RUNX2: variants seen among roughly 807,000 people sequenced by gnomAD.
The protein encoded by RUNX2 is RUNX family transcription factor 2.
RUNX2 carries 10 observed loss-of-function variants against 51.7 expected under a neutral mutation model. The ratio of observed to expected loss-of-function variants is 0.19; its 90% CI spans 0.12 to 0.33. RUNX2 has a LOEUF of 0.33. Among genes scored for constraint, RUNX2 ranks in the 10% least tolerant of loss-of-function variants. The probability of loss-of-function intolerance (pLI) is 1.00; values close to 1 mark genes in which losing one functional copy is unlikely to be tolerated. For missense variants in RUNX2, 562 were observed against 691.3 expected, an observed-to-expected ratio of 0.81 and a Z score of 2.10; for synonymous variants, 276 against 273.6, an observed-to-expected ratio of 1.01 and a Z score of -0.09.
At chr6:45,390,362 T>C (rs1169325631) in intron 2 of RUNX2, among the ~76,000 whole-genome samples, 1 of 152,240 alleles carries the variant, frequency 6.6e-6, no homozygotes, top group East Asian at 1.9e-4. Context: ...GTTCAGGCCG[T>C]CTTCCTTGGC....
intron 2 of RUNX2, among the ~76,000 whole-genome samples, chr6:45,404,601 A>G (rs188665097): frequency 2.6e-5 from 4 of 152,376 alleles, no homozygotes; most frequent in Admixed American, 1.3e-4. Flanking sequence ...GCAATTGAAC[A>G]AAATTTACAG....
In RUNX2 at chr6:45,361,516, G is replaced by A. The variant is rs1794257205; in HGVS notation, c.58+32732G>A. The A allele has an allele frequency of 2.0e-5, 3 of 152,222 alleles. No homozygotes were observed. The South Asian group carries it at 6.2e-4, about 32-fold the overall frequency. The allele number at this position is 152,222 out of a possible 1,614,324, so 9.4% of individuals were successfully genotyped here. A position where few individuals can be genotyped will look rare whatever the true frequency, so the allele number is the denominator to read the frequency against. On this transcript the variant is annotated intron_variant, in intron 2 of 8. Coordinates refer to ENST00000647337, the MANE Select transcript of RUNX2 (RefSeq NM_001024630.4). ...CATTTAAATTAATTAAAATTCTTAA[G>A]AAGTTTGTTAAAATACCTGTAATGT...
chr6:45,536,651 C>T (rs1261591429), intron 7 of RUNX2, among the ~76,000 whole-genome samples: 2 of 152,210 alleles, frequency 1.3e-5, no homozygotes, highest in Non-Finnish European at 2.9e-5. Context: ...GCGGACTCTT[C>T]CTTTTCCCCG....
Position 45,431,998 on chromosome 6 carries a change from T to A in RUNX2, c.559T>A (p.Phe187Ile). The change falls in exon 4 of 9, where the codon TTT (phenylalanine) becomes ATT (isoleucine). Residue 187 changes from phenylalanine to isoleucine, a missense_variant. Coordinates refer to ENST00000647337, the MANE Select transcript of RUNX2 (RefSeq NM_001024630.4). The stretch of plus-strand genomic sequence containing the variant: ...AGTAGCAAGGTTCAACGATCTGAGA[T>A]TTGTGGGCCGGAGTGGACGAGGTAG... ...NQVARFNDLR[F>I]VGRSGRGKSF... The A allele has an allele frequency of 6.2e-7, 1 of 1,614,090 alleles. No homozygotes were observed. The highest frequency in any genetic ancestry group is 8.5e-7 in the Non-Finnish European group (1 of 1,179,994).
At chr6:45,491,193 A>G (rs1582167969) in intron 5 of RUNX2, among the ~76,000 whole-genome samples, 1 of 152,216 alleles carries the variant, frequency 6.6e-6, no homozygotes, top group Non-Finnish European at 1.5e-5. Context: ...TCACAGTCAC[A>G]TGTTTACTTA....
At chr6:45,441,993 G>A (rs1040530676) in intron 5 of RUNX2, among the ~76,000 whole-genome samples, 1 of 152,150 alleles carries the variant, frequency 6.6e-6, no homozygotes, top group African/African-American at 2.4e-5. Context: ...ATACACATCT[G>A]GCGTTGGCAG....
chr6:45,337,280 TGTC>T (rs577929475), intron 2 of RUNX2, among the ~76,000 whole-genome samples: 76 of 151,904 alleles, frequency 5.0e-4, no homozygotes, highest in African/African-American at 1.8e-3. Context: ...ACCATAAGAC[TGTC>T]ATTTATTCTA....
chr6:45,353,241 A>G (rs1316855450), intron 2 of RUNX2, among the ~76,000 whole-genome samples: 1 of 152,134 alleles, frequency 6.6e-6, no homozygotes, highest in Non-Finnish European at 1.5e-5. Context: ...AAGAAAAATG[A>G]AACTACTTAA....
At chr6:45,482,980 A>G (rs1800158574) in intron 5 of RUNX2, among the ~76,000 whole-genome samples, 1 of 152,188 alleles carries the variant, frequency 6.6e-6, no homozygotes, top group East Asian at 1.9e-4. Flanking sequence ...ATGTATTAAG[A>G]AGGGCCCTTA....
intron 2 of RUNX2, among the ~76,000 whole-genome samples, chr6:45,391,352 T>C (rs552055654): frequency 2.6e-5 from 4 of 152,160 alleles, no homozygotes; most frequent in Non-Finnish European, 5.9e-5. Flanking sequence ...TTGTTCCCAC[T>C]CTCGCCCTGT....
At position 45,475,867 on chromosome 6, in the gene RUNX2, C is replaced by T. The variant is rs570054708; in HGVS notation, c.686-16074C>T. Among the ~76,000 whole-genome samples, 10 of 152,274 alleles carry T rather than the reference C, an allele frequency of 6.6e-5. No homozygotes were observed. The East Asian group carries it at 1.7e-3, about 26-fold the overall frequency. ...AGCCCTAGGGCCTGATCTTGAAATA[C>T]TAGAAAATAAGCCCATTACAAAACG... On this transcript the variant is annotated intron_variant, in intron 5 of 8. Transcript: ENST00000647337.
At chr6:45,392,442 A>T (rs974003158) in intron 2 of RUNX2, among the ~76,000 whole-genome samples, 1 of 152,210 alleles carries the variant, frequency 6.6e-6, no homozygotes, top group Non-Finnish European at 1.5e-5. Flanking sequence ...TCCAGGTTAC[A>T]GTGAGCTGTG....
At chr6:45,441,072 G>A (rs1798828591) in intron 5 of RUNX2, among the ~76,000 whole-genome samples, 1 of 152,154 alleles carries the variant, frequency 6.6e-6, no homozygotes, top group Non-Finnish European at 1.5e-5. Context: ...TGTTGGGGCA[G>A]GGGGAGTGGA....
intron 2 of RUNX2, among the ~76,000 whole-genome samples, chr6:45,346,753 G>A (rs1790964202): frequency 1.3e-5 from 2 of 151,844 alleles, no homozygotes; most frequent in Non-Finnish European, 1.5e-5. Flanking sequence ...TTTTAGTAGA[G>A]ACCCAGTTTC....
In RUNX2 at chr6:45,447,339, T is replaced by A. The variant is rs75734425; in HGVS notation, c.685+9288T>A. Among the ~76,000 whole-genome samples, 21 of 152,302 alleles carry A rather than the reference T, an allele frequency of 1.4e-4. No individual in the cohort carries two copies. The East Asian group carries it at 3.7e-3, about 27-fold the overall frequency. ...TGATATACTCTTAAGAGTGCAAGAT[T>A]TTGTTATTGAAAGGTGAGAGTTTTA... is the stretch of plus-strand genomic sequence containing the variant. On this transcript the variant is annotated intron_variant, in intron 5 of 8. Transcript: ENST00000647337.
chr6:45,384,282 G>T (rs1582055947), intron 2 of RUNX2, among the ~76,000 whole-genome samples: 1 of 151,498 alleles, frequency 6.6e-6, no homozygotes, highest in South Asian at 2.1e-4. Context: ...TTTTTTGTTT[G>T]TTTGTTTGTT....
chr6:45,411,194 C>T (rs1797944138), intron 2 of RUNX2, among the ~76,000 whole-genome samples: 1 of 152,172 alleles, frequency 6.6e-6, no homozygotes, highest in Non-Finnish European at 1.5e-5. Flanking sequence ...AAAGGTTTTT[C>T]ACATAATAGA....
At chr6:45,500,933 G>A (rs776247921) in intron 6 of RUNX2, among the ~76,000 whole-genome samples, 7 of 152,220 alleles carry the variant, frequency 4.6e-5, no homozygotes, top group Non-Finnish European at 1.0e-4. Context: ...CTTCCAAAGA[G>A]GACTTGACCC....
At chr6:45,500,115 G>T (rs147720853) in intron 6 of RUNX2, among the ~76,000 whole-genome samples, 159 of 152,176 alleles carry the variant, frequency 1.0e-3, no homozygotes, top group Non-Finnish European at 2.0e-3. Context: ...TTAGGCCTGC[G>T]CTTTGTGCAA....
Sources: allele counts gnomAD v4.1 joint callset (sites outside exome capture counted in the v4.1 genomes callset), GRCh38; gene constraint gnomAD v4.1.1; transcripts MANE v1.5; gene names NCBI Gene and HGNC (gene_info 2026-07-23, HGNC 2026-07-21).